Variants in SPIRE2 observed in about 807,000 individuals in gnomAD.
The protein encoded by SPIRE2 is protein spire homolog 2.
In SPIRE2, 76 loss-of-function variants were observed where a neutral mutation model predicts 80.7. The observed-to-expected ratio is 0.94, with a 90% CI of 0.78 to 1.14. The LOEUF is 1.14. Ranked by LOEUF, SPIRE2 falls within the 50% of genes most tolerant of loss-of-function variation. SPIRE2 has a pLI of 0.00. For synonymous variants in SPIRE2, 535 were observed against 432.6 expected (o/e 1.24, Z -2.94); for missense variants, 1,196 against 1,015.3 (o/e 1.18, Z -2.42).
rs1295736405 is a variant in SPIRE2, at chr16:89,863,700, G to A, written c.1710+90G>A. Reference sequence around the variant, plus strand: ...CCAGTTCCCAGGACTGTTTGCTCATGATCTGGTTGGGAGCCCTGAGGGGGT... The same window carrying A: ...CCAGTTCCCAGGACTGTTTGCTCATAATCTGGTTGGGAGCCCTGAGGGGGT... On this transcript the variant is annotated intron_variant, in intron 11 of 14. Coordinates refer to ENST00000378247, the MANE Select transcript of SPIRE2 (RefSeq NM_032451.2). The surrounding 1 kb of genome is among the most constrained non-coding windows in gnomAD (Gnocchi z 4.3). The A allele has an allele frequency of 8.3e-5, 134 of 1,611,056 alleles. No homozygotes were observed. The highest frequency in any genetic ancestry group is 1.1e-4 in the Non-Finnish European group (125 of 1,177,486).
chr16:89,833,744 C>G (rs1263309458), intron 1 of SPIRE2, among the ~76,000 whole-genome samples: 2 of 152,208 alleles, frequency 1.3e-5, no homozygotes, highest in Non-Finnish European at 1.5e-5. Context: ...CTGGACCTGC[C>G]TTGGGGAGCA....
At chr16:89,836,089 C>T (rs998339438) in intron 1 of SPIRE2, 3 of 410,448 alleles carry the variant, frequency 7.3e-6, no homozygotes, top group East Asian at 7.2e-5. Flanking sequence ...GCAGGAGAAT[C>T]GCTTGAATCT....
intron 1 of SPIRE2, among the ~76,000 whole-genome samples, chr16:89,839,049 T>C (rs764018462): frequency 9.3e-5 from 14 of 150,952 alleles, no homozygotes; most frequent in Admixed American, 5.3e-4. Flanking sequence ...AGTGTTAAAC[T>C]GTTAGGAGGG....
rs1411682587 is a variant in SPIRE2 at position 89,858,120 on chromosome 16, C to T, written c.1103-218C>T. On this transcript the variant is annotated intron_variant, in intron 7 of 14. Coordinates refer to ENST00000378247, the MANE Select transcript of SPIRE2 (RefSeq NM_032451.2). ...CAGGATGGTCTCGATCTCCTGACCTCGTGATCCACCCGCCTTGGCCTCCCA... is the reference window on the plus strand; with the variant it reads ...CAGGATGGTCTCGATCTCCTGACCTTGTGATCCACCCGCCTTGGCCTCCCA... Among the ~76,000 whole-genome samples the T allele has an allele frequency of 3.4e-5, 5 of 148,250 alleles. No individual in the cohort carries two copies. In the East Asian group the frequency reaches 6.1e-4, roughly 18 times the overall value.
At position 89,869,572 on chromosome 16, in the gene SPIRE2, G is replaced by C. The variant is rs2041821070; in HGVS notation, c.1812G>C (p.Lys604Asn). 3 of 1,611,140 alleles carry C rather than the reference G, an allele frequency of 1.9e-6. No homozygotes were observed. The highest frequency in any genetic ancestry group is 2.5e-6 in the Non-Finnish European group (3 of 1,177,338). ...AVCTSCSIKM[K>N]MPSKKFGHIP... ...CTCCTCCCTCTGTGCTGCAGATGAAGATGCCTTCTAAGAAATTTGGACACA... is the reference window on the plus strand; with the variant it reads ...CTCCTCCCTCTGTGCTGCAGATGAACATGCCTTCTAAGAAATTTGGACACA... The change falls in exon 14 of 15, where the codon AAG (lysine) becomes AAC (asparagine). Residue 604 changes from lysine to asparagine, a missense_variant. Physicochemically the swap from Lys to Asn is moderately conservative, Grantham distance 94. Transcript: ENST00000378247.
At chr16:89,865,380 C>T (rs2041780368) in intron 12 of SPIRE2, among the ~76,000 whole-genome samples, 1 of 152,096 alleles carries the variant, frequency 6.6e-6, no homozygotes, top group African/African-American at 2.4e-5. Context: ...ATTATACACG[C>T]TATACAAATA....
intron 1 of SPIRE2, chr16:89,836,296 G>A (rs966137798): frequency 6.4e-5 from 29 of 455,588 alleles, no homozygotes; most frequent in African/African-American, 3.2e-4. Flanking sequence ...AGCTCCTCTC[G>A]GTACATGCTC....
intron 1 of SPIRE2, among the ~76,000 whole-genome samples, chr16:89,832,189 C>A (rs1008046061): frequency 1.3e-5 from 2 of 152,228 alleles, no homozygotes; most frequent in Non-Finnish European, 2.9e-5. Flanking sequence ...ATCCTTTTCA[C>A]CCACGGAAGC....
At position 89,850,498 on chromosome 16, in the gene SPIRE2, C is replaced by T. The variant is rs1467710610; in HGVS notation, c.483C>T (p.Val161=). The T allele has an allele frequency of 6.5e-7, 1 of 1,528,952 alleles. No individual in the cohort carries two copies. The highest frequency in any genetic ancestry group is 8.8e-7 in the Non-Finnish European group (1 of 1,140,920). 94.7% of individuals were successfully genotyped at this position (1,528,952 alleles called of 1,614,324 possible). The change falls in exon 3 of 15, where the codon GTC becomes GTT. Residue 161 remains valine, a synonymous_variant. Coordinates refer to ENST00000378247, the MANE Select transcript of SPIRE2 (RefSeq NM_032451.2). ...AGGAGGAGGAGGAGGCCGAGGGCGT[C>T]CCCCGCAGCGTGCGCACCTTTGCCC... The part of the protein sequence containing the change: ...GPEEEEEAEG[V]PRSVRTFAQA...
chr16:89,854,201 G>A (rs1047434634), intron 3 of SPIRE2, 85 bp from the exon 4 acceptor site: 34 of 1,278,530 alleles, frequency 2.7e-5, no homozygotes, highest in Admixed American at 1.6e-4. Flanking sequence ...CCCCCGTGAC[G>A]TGGTCGTGTC....
At chr16:89,861,116 G>A (rs1026314916) in intron 10 of SPIRE2, among the ~76,000 whole-genome samples, 1 of 152,180 alleles carries the variant, frequency 6.6e-6, no homozygotes, top group East Asian at 1.9e-4. Flanking sequence ...GTCAGTGTGA[G>A]GGGGGTTCAC....
At chr16:89,834,553 C>T (rs1439765515) in intron 1 of SPIRE2, among the ~76,000 whole-genome samples, 2 of 110,144 alleles carry the variant, frequency 1.8e-5, no homozygotes, top group African/African-American at 7.1e-5. Context: ...TGCCCGCATT[C>T]GCGGTTGGCC....
intron 6 of SPIRE2, 84 bp from the exon 7 acceptor site, chr16:89,856,029 A>C: frequency 6.4e-7 from 1 of 1,558,018 alleles, no homozygotes; most frequent in Non-Finnish European, 8.7e-7. Flanking sequence ...CTTCCCCACC[A>C]CAGGTCCCGC....
In SPIRE2 at chr16:89,854,627, G is replaced by A. The variant is rs1335323868; in HGVS notation, c.867G>A (p.Arg289=). 1 of 1,612,582 alleles carries A rather than the reference G, an allele frequency of 6.2e-7. No individual in the cohort carries two copies. The highest frequency in any genetic ancestry group is 1.1e-5 in the South Asian group (1 of 91,086). Residue 289 remains arginine (R), a synonymous_variant, in exon 5 of 15, where the codon CGG becomes CGA. Transcript: ENST00000378247. Reference sequence around the variant, plus strand: ...TGCTGATGCAGGACATCCGGGCCCGGAACTACAAGCTGCGCAAGGTCATGG... The same window carrying A: ...TGCTGATGCAGGACATCCGGGCCCGAAACTACAAGCTGCGCAAGGTCATGG... ...FEMLMQDIRA[R]NYKLRKVMVD...
chr16:89,869,276 A>G (rs2041818295), intron 13 of SPIRE2, among the ~76,000 whole-genome samples: 3 of 151,500 alleles, frequency 2.0e-5, no homozygotes, highest in Non-Finnish European at 4.4e-5. Context: ...CCCTCTAAGG[A>G]GCCCCTGTCC....
chr16:89,841,316 C>T (rs1003538371), intron 1 of SPIRE2, among the ~76,000 whole-genome samples: 3 of 152,170 alleles, frequency 2.0e-5, no homozygotes, highest in African/African-American at 7.2e-5. Context: ...TTCTGCCTCC[C>T]ACCTTAGCAT....
chr16:89,868,368 G>T, intron 13 of SPIRE2, 152 bp downstream of exon 13: 1 of 882,664 alleles, frequency 1.1e-6, no homozygotes, highest in Non-Finnish European at 1.8e-6. Flanking sequence ...AAGATAGTGT[G>T]CAGTTTTTAA....
intron 1 of SPIRE2, among the ~76,000 whole-genome samples, chr16:89,837,007 A>G (rs984580542): frequency 6.6e-6 from 1 of 151,718 alleles, no homozygotes; most frequent in African/African-American, 2.4e-5. Flanking sequence ...AAAAAGAAAA[A>G]ATCCTGCACC....
chr16:89,850,100 T>G, intron 2 of SPIRE2: 1 of 694,554 alleles, frequency 1.4e-6, no homozygotes, highest in Non-Finnish European at 2.6e-6. Context: ...CCTCCCAAAG[T>G]GCTGGGATTA....
Sources: gnomAD v4.1 joint callset for allele counts (sites outside exome capture counted in the v4.1 genomes callset) on GRCh38, gnomAD v4.1.1 for gene constraint, Gnocchi (gnomAD v3.1) non-coding constraint, MANE v1.5 for transcripts, NCBI Gene and HGNC (gene_info 2026-07-23, HGNC 2026-07-21) for gene names.